Variants in RBM19 observed in about 807,000 individuals in gnomAD.
RBM19 encodes probable RNA-binding protein 19.
A neutral mutation model predicts 116.8 loss-of-function variants in RBM19; 94 were observed. The ratio of observed to expected loss-of-function variants is 0.80; its 90% CI spans 0.68 to 0.95. RBM19 has a LOEUF of 0.95. RBM19 is among the 40% of genes least tolerant of loss of function. RBM19 has a pLI of 0.00. For missense variants in RBM19, 1,161 were observed against 1,220.7 expected (o/e 0.95, Z 0.73); for synonymous variants, 475 against 494.1 (o/e 0.96, Z 0.51).
intron 21 of RBM19, among the ~76,000 whole-genome samples, chr12:113,884,320 C>CACACACAT (rs1226160358): frequency 5.3e-5 from 8 of 151,148 alleles, no homozygotes; most frequent in African/African-American, 1.7e-4. Context: ...CACACACACA[C>CACACACAT]ACACACACAC....
At chr12:113,858,463 A>C (rs1418443023) in intron 22 of RBM19, among the ~76,000 whole-genome samples, 1 of 152,072 alleles carries the variant, frequency 6.6e-6, no homozygotes, top group Non-Finnish European at 1.5e-5. Flanking sequence ...TGCCTACCCC[A>C]GGGGGCCACC....
intron 1 of RBM19, among the ~76,000 whole-genome samples, chr12:113,963,919 C>T (rs1257917429): frequency 7.2e-5 from 11 of 152,176 alleles, no homozygotes; most frequent in Admixed American, 7.2e-4. Flanking sequence ...CTGGCTAACT[C>T]CTCATTCTCA....
At chr12:113,864,634 T>G (rs554036138) in intron 21 of RBM19, among the ~76,000 whole-genome samples, 5 of 152,344 alleles carry the variant, frequency 3.3e-5, no homozygotes, top group Non-Finnish European at 5.9e-5. Context: ...GTTGGAGAGA[T>G]AGACCAACTG....
chr12:113,939,929 C>T (rs368464507), intron 15 of RBM19, 31 bp downstream of exon 15: 1 of 1,608,628 alleles, frequency 6.2e-7, no homozygotes, highest in African/African-American at 1.3e-5. Context: ...GGTCCTTCTC[C>T]AGATCAATTC....
chr12:113,892,540 G>GT (rs758934538), intron 21 of RBM19, among the ~76,000 whole-genome samples: 50 of 152,322 alleles, frequency 3.3e-4, no homozygotes, highest in Non-Finnish European at 5.9e-4. Context: ...AGAGTTTTGT[G>GT]TATGAAAGAG....
intron 2 of RBM19, 36 bp downstream of exon 2, chr12:113,962,196 G>C (rs755945559): frequency 6.2e-7 from 1 of 1,605,790 alleles, no homozygotes; most frequent in South Asian, 1.1e-5. Context: ...CGTCACACTT[G>C]ACAGGAAGGT....
chr12:113,843,463 A>G (rs1876677734), intron 23 of RBM19, among the ~76,000 whole-genome samples: 1 of 152,216 alleles, frequency 6.6e-6, no homozygotes, highest in South Asian at 2.1e-4. Flanking sequence ...GGGTGGCACC[A>G]CAGACAGGAC....
At chr12:113,849,023 G>T (rs1877227044) in intron 22 of RBM19, among the ~76,000 whole-genome samples, 1 of 152,216 alleles carries the variant, frequency 6.6e-6, no homozygotes. Context: ...CACTGGCCAA[G>T]GTTTGTATGC....
intron 13 of RBM19, among the ~76,000 whole-genome samples, chr12:113,944,168 C>T (rs1465063309): frequency 2.9e-5 from 4 of 139,038 alleles, no homozygotes; most frequent in African/African-American, 1.1e-4. Flanking sequence ...GGCATGATCT[C>T]GGCTCATTGC....
intron 21 of RBM19, among the ~76,000 whole-genome samples, chr12:113,881,739 C>T (rs572898963): frequency 1.3e-5 from 2 of 152,340 alleles, no homozygotes; most frequent in Admixed American, 6.5e-5. Flanking sequence ...GAACAACTGT[C>T]CTGGCTCCCT....
chr12:113,964,366 G>A (rs1340142955), intron 1 of RBM19, among the ~76,000 whole-genome samples: 1 of 152,222 alleles, frequency 6.6e-6, no homozygotes, highest in African/African-American at 2.4e-5. Context: ...ACCTGGAACA[G>A]TGCCTGGCAC....
At chr12:113,906,313 A>C (rs547397675) in intron 21 of RBM19, among the ~76,000 whole-genome samples, 1 of 152,394 alleles carries the variant, frequency 6.6e-6, no homozygotes, top group African/African-American at 2.4e-5. Flanking sequence ...CAACATAGCA[A>C]GTGCGGATCC....
chr12:113,864,379 G>C (rs1878653261), intron 21 of RBM19, among the ~76,000 whole-genome samples: 1 of 152,194 alleles, frequency 6.6e-6, no homozygotes, highest in South Asian at 2.1e-4. Context: ...TGCTCAAGAA[G>C]ACTATGGGAT....
intron 22 of RBM19, among the ~76,000 whole-genome samples, chr12:113,849,530 C>G (rs778627079): frequency 6.6e-6 from 1 of 152,228 alleles, no homozygotes; most frequent in African/African-American, 2.4e-5. Flanking sequence ...ACCATCCAGA[C>G]GAGTGGGACA....
intron 21 of RBM19, among the ~76,000 whole-genome samples, chr12:113,878,600 G>A (rs1220532554): frequency 2.0e-5 from 3 of 149,930 alleles, no homozygotes; most frequent in Non-Finnish European, 4.4e-5. Flanking sequence ...AAGACATGGG[G>A]CCCAGAAGAA....
At chr12:113,867,581 A>G (rs369930882) in intron 21 of RBM19, among the ~76,000 whole-genome samples, 1 of 152,234 alleles carries the variant, frequency 6.6e-6, no homozygotes, top group South Asian at 2.1e-4. Flanking sequence ...AATAATATGC[A>G]TATGTACTGC....
At position 113,823,298 on chromosome 12, in the gene RBM19, C is replaced by T; in HGVS notation, c.2809G>A (p.Val937Met). The T allele has an allele frequency of 6.2e-7, 1 of 1,613,320 alleles. No individual in the cohort carries two copies. Among genetic ancestry groups the T allele is most frequent in the Non-Finnish European group, 8.5e-7 (1 of 1,180,038 alleles). The change falls in exon 24 of 24, where the codon GTG becomes ATG. Residue 937 changes from valine to methionine, a missense_variant. Physicochemically the swap from Val to Met is conservative, Grantham distance 21. Transcript: ENST00000261741. ...TGCTCCAGGATCTCGTCCAACACCA[C>T]AGACCGCTTTTTCTTCGGGGGCTCT... ...FHEPPKKKRS[V>M]VLDEILEQLE...
At chr12:113,930,211 C>T (rs894356947) in intron 16 of RBM19, among the ~76,000 whole-genome samples, 5 of 152,252 alleles carry the variant, frequency 3.3e-5, no homozygotes, top group Non-Finnish European at 7.3e-5. Context: ...GGCAAAGATG[C>T]CCTTCCCTCT....
intron 10 of RBM19, among the ~76,000 whole-genome samples, chr12:113,947,809 T>C (rs1871161445): frequency 6.6e-6 from 1 of 152,232 alleles, no homozygotes; most frequent in African/African-American, 2.4e-5. Flanking sequence ...GTGTCTTCCA[T>C]GATGATATTA....
Sources: allele counts gnomAD v4.1 joint callset (sites outside exome capture counted in the v4.1 genomes callset), GRCh38; gene constraint gnomAD v4.1.1; transcripts MANE v1.5; gene names NCBI Gene and HGNC (gene_info 2026-07-23, HGNC 2026-07-21).